Variants in CDYL observed in about 807,000 individuals in gnomAD.
CDYL encodes the protein chromodomain Y-like protein.
CDYL carries 8 observed loss-of-function variants against 47.3 expected under a neutral mutation model. That is an observed-to-expected ratio of 0.17 (90% confidence interval 0.10 to 0.31). The LOEUF (loss-of-function observed/expected upper bound fraction) is 0.31. Among genes scored for constraint, CDYL ranks in the 10% least tolerant of loss-of-function variants. The pLI is 1.00. For missense variants in CDYL, 471 were observed against 701.4 expected (o/e 0.67, Z 3.71); for synonymous variants, 266 against 265.0 (o/e 1.00, Z -0.04).
chr6:4,730,475 G>A (rs1358661706), intron 2 of CDYL, among the ~76,000 whole-genome samples: 2 of 152,026 alleles, frequency 1.3e-5, no homozygotes, highest in African/African-American at 4.8e-5. Flanking sequence ...AGGAGTTCAA[G>A]ACCAGCCTGA....
chr6:4,795,870 A>G (rs1759057929), intron 1 of CDYL, among the ~76,000 whole-genome samples: 1 of 151,892 alleles, frequency 6.6e-6, no homozygotes, highest in African/African-American at 2.4e-5. Context: ...CATGAACATT[A>G]TCCTCTAAAT....
intron 2 of CDYL, among the ~76,000 whole-genome samples, chr6:4,898,314 G>A (rs1762346647): frequency 6.6e-6 from 1 of 152,186 alleles, no homozygotes; most frequent in Non-Finnish European, 1.5e-5. Flanking sequence ...ACCTCCACTT[G>A]AAAAGAGAAG....
chr6:4,898,493 C>G (rs1372160032), intron 2 of CDYL, among the ~76,000 whole-genome samples: 2 of 152,136 alleles, frequency 1.3e-5, no homozygotes. Flanking sequence ...AAGAGCAAAC[C>G]CACTTACACA....
At chr6:4,889,259 C>T (rs1313302923) in intron 1 of CDYL, among the ~76,000 whole-genome samples, 1 of 151,674 alleles carries the variant, frequency 6.6e-6, no homozygotes, top group Non-Finnish European at 1.5e-5. Context: ...GAGTCTTGCA[C>T]TGTCGCCCAG....
chr6:4,725,387 C>A (rs917809614), intron 2 of CDYL, among the ~76,000 whole-genome samples: 3 of 152,226 alleles, frequency 2.0e-5, no homozygotes, highest in African/African-American at 7.2e-5. Flanking sequence ...GGGGGCGGCG[C>A]TCGTGGGGGA....
chr6:4,769,274 T>G (rs542233226), intron 3 of CDYL, among the ~76,000 whole-genome samples: 43 of 152,356 alleles, frequency 2.8e-4, no homozygotes, highest in Admixed American at 1.2e-3. Flanking sequence ...ATGGGAACTC[T>G]CTACTATATA....
At chr6:4,941,288 GC>G (rs1450598291) in intron 4 of CDYL, among the ~76,000 whole-genome samples, 1 of 152,230 alleles carries the variant, frequency 6.6e-6, no homozygotes, top group Non-Finnish European at 1.5e-5. Context: ...CTTGAAGGCA[GC>G]CCCTGCCTCG....
rs138168529 is a variant in CDYL, at chr6:4,763,702, G to C, written c.186+28858G>C. On this transcript the variant is annotated intron_variant, in intron 3 of 8. Coordinates refer to the CDYL transcript ENST00000328908. ...TTACATCTGTAGTCCCAGCACTTTG[G>C]GAGGCCAACATGGGCGGATCACTTG... Among the ~76,000 whole-genome samples, 1,094 of 152,248 alleles carry C rather than the reference G, an allele frequency of 7.2e-3. 13 individuals carry two copies. Among genetic ancestry groups the C allele is most frequent in the African/African-American group, 0.025 (1,044 of 41,526 alleles).
At chr6:4,740,828 C>T (rs910172324) in intron 3 of CDYL, among the ~76,000 whole-genome samples, 1 of 151,682 alleles carries the variant, frequency 6.6e-6, no homozygotes, top group Admixed American at 6.6e-5. Context: ...GCTCTGTCAC[C>T]TAGGCTGGAG....
At chr6:4,757,063 T>C (rs572574506) in intron 3 of CDYL, among the ~76,000 whole-genome samples, 74 of 152,326 alleles carry the variant, frequency 4.9e-4, no homozygotes, top group African/African-American at 1.7e-3. Context: ...ATTGTACCTA[T>C]AACTGATTGA....
chr6:4,838,084 A>G (rs1222744391), intron 1 of CDYL, among the ~76,000 whole-genome samples: 1 of 152,064 alleles, frequency 6.6e-6, no homozygotes, highest in Non-Finnish European at 1.5e-5. Flanking sequence ...GGCTGTAAAT[A>G]TTCTTGATAC....
chr6:4,893,808 A>G (rs1490047327), intron 2 of CDYL, among the ~76,000 whole-genome samples: 1 of 152,234 alleles, frequency 6.6e-6, no homozygotes, highest in Non-Finnish European at 1.5e-5. Context: ...TTGGGGAGCT[A>G]CTTTCCTCTA....
chr6:4,813,104 G>C (rs921804984), intron 1 of CDYL, among the ~76,000 whole-genome samples: 9 of 152,178 alleles, frequency 5.9e-5, no homozygotes, highest in African/African-American at 2.2e-4. Context: ...AGAGCTCTAG[G>C]ATTTTGGAGT....
chr6:4,765,787 C>G (rs1320642209), intron 3 of CDYL, among the ~76,000 whole-genome samples: 1 of 152,146 alleles, frequency 6.6e-6, no homozygotes, highest in South Asian at 2.1e-4. Flanking sequence ...TGGTCTCGAA[C>G]TCCTGACCTC....
intron 3 of CDYL, among the ~76,000 whole-genome samples, chr6:4,756,715 A>T (rs911116608): frequency 6.6e-6 from 1 of 152,152 alleles, no homozygotes; most frequent in Admixed American, 6.6e-5. Context: ...TTACATGTAA[A>T]TCATTCTACA....
intron 2 of CDYL, among the ~76,000 whole-genome samples, chr6:4,908,289 G>A (rs773627694): frequency 1.3e-5 from 2 of 152,142 alleles, no homozygotes; most frequent in Non-Finnish European, 1.5e-5. Flanking sequence ...GAAAGGGTCC[G>A]GAACCGGGCA....
intron 2 of CDYL, among the ~76,000 whole-genome samples, chr6:4,919,241 C>G (rs1757641662): frequency 6.6e-6 from 1 of 151,858 alleles, no homozygotes; most frequent in Non-Finnish European, 1.5e-5. Context: ...ACACTGGGTA[C>G]ATGTGTGGCC....
At chr6:4,815,414 G>A (rs7761918) in intron 1 of CDYL, among the ~76,000 whole-genome samples, 4,121 of 152,158 alleles carry the variant, frequency 0.027, 188 homozygotes, top group African/African-American at 0.094. Context: ...ATTCCTTAGT[G>A]TAGAATACTG....
chr6:4,831,824 T>G (rs1561659030), intron 1 of CDYL, among the ~76,000 whole-genome samples: 1 of 152,232 alleles, frequency 6.6e-6, no homozygotes, highest in Non-Finnish European at 1.5e-5. Flanking sequence ...AGTGTTTTAT[T>G]CTCTTTGTAG....
Sources: allele counts gnomAD v4.1 joint callset (sites outside exome capture counted in the v4.1 genomes callset), GRCh38; gene constraint gnomAD v4.1.1; transcripts MANE v1.5; gene names NCBI Gene and HGNC (gene_info 2026-07-23, HGNC 2026-07-21).